The following SGCD variants were observed in gnomAD, a reference collection of about 807,000 sequenced individuals.
SGCD encodes the protein delta-sarcoglycan.
SGCD carries 18 observed loss-of-function variants against 36.6 expected under a neutral mutation model. The ratio of observed to expected loss-of-function variants is 0.49; its 90% CI spans 0.34 to 0.73. The LOEUF is 0.73. Ranked by LOEUF, SGCD falls within the 30% of genes least tolerant of loss-of-function variation. The probability of loss-of-function intolerance (pLI) is 0.01; values close to 1 mark genes in which losing one functional copy is unlikely to be tolerated. For missense variants in SGCD, 387 were observed against 346.7 expected, an observed-to-expected ratio of 1.12 and a Z score of -0.92; for synonymous variants, 133 against 130.6, an observed-to-expected ratio of 1.02 and a Z score of -0.12.
chr5:156,253,062 A>T (rs895293514), intron 3 of SGCD, among the ~76,000 whole-genome samples: 1 of 152,224 alleles, frequency 6.6e-6, no homozygotes, highest in African/African-American at 2.4e-5. Context: ...CAACTACTTT[A>T]ATTTTTAAAA....
At chr5:156,337,982 A>G (rs1016123943) in intron 2 of SGCD, among the ~76,000 whole-genome samples, 5 of 152,128 alleles carry the variant, frequency 3.3e-5, no homozygotes, top group Admixed American at 3.3e-4. Flanking sequence ...GGAACAAGAG[A>G]TTATGAAGAA....
chr5:155,914,879 A>T (rs1756705246), intron 1 of SGCD, among the ~76,000 whole-genome samples: 2 of 152,206 alleles, frequency 1.3e-5, no homozygotes, highest in South Asian at 4.1e-4. Flanking sequence ...AATTCTTGGC[A>T]AATTTTTAGT....
intron 4 of SGCD, among the ~76,000 whole-genome samples, chr5:156,550,216 T>A (rs929993910): frequency 2.0e-5 from 3 of 152,228 alleles, no homozygotes; most frequent in African/African-American, 7.2e-5. Context: ...GAATTGTAGA[T>A]AAGTTGTATT....
intron 3 of SGCD, among the ~76,000 whole-genome samples, chr5:156,196,817 T>C (rs1764034569): frequency 6.6e-6 from 1 of 152,202 alleles, no homozygotes; most frequent in African/African-American, 2.4e-5. Context: ...TCTTTGGAAA[T>C]AAAACCTGCC....
At chr5:156,595,653 A>C (rs73299139) in intron 6 of SGCD, among the ~76,000 whole-genome samples, 5,520 of 152,302 alleles carry the variant, frequency 0.036, 334 homozygotes, top group African/African-American at 0.13. Context: ...TCTCATTTAG[A>C]ACATCCTGTA....
At chr5:156,446,896 G>A (rs923811961) in intron 3 of SGCD, among the ~76,000 whole-genome samples, 1 of 152,092 alleles carries the variant, frequency 6.6e-6, no homozygotes, top group Non-Finnish European at 1.5e-5. Flanking sequence ...TTTTATAGTT[G>A]AGAAAACTGA....
intron 3 of SGCD, among the ~76,000 whole-genome samples, chr5:156,315,162 A>G (rs145799344): frequency 6.6e-6 from 1 of 151,676 alleles, no homozygotes; most frequent in Non-Finnish European, 1.5e-5. Flanking sequence ...ATACCTATTC[A>G]TTTTGTATGG....
At chr5:155,813,924 G>A in the SGCD span, among the ~76,000 whole-genome samples, 1 of 152,136 alleles carries the variant, frequency 6.6e-6, no homozygotes, top group African/African-American at 2.4e-5. Flanking sequence ...GAGAGATGAA[G>A]GGCAATTCAT....
chr5:156,458,474 A>G (rs972742327), intron 3 of SGCD: 7 of 1,609,636 alleles, frequency 4.3e-6, no homozygotes, highest in Middle Eastern at 1.6e-4. Flanking sequence ...GCTCATCCCC[A>G]ACACAGTCAG....
intron 1 of SGCD, among the ~76,000 whole-genome samples, chr5:155,996,040 G>A (rs935987359): frequency 1.3e-5 from 2 of 150,210 alleles, no homozygotes; most frequent in East Asian, 2.0e-4. Flanking sequence ...CTGTGTGTAG[G>A]TGGGGAATGG....
intron 2 of SGCD, among the ~76,000 whole-genome samples, chr5:156,341,420 A>G (rs1252498894): frequency 6.6e-6 from 1 of 152,082 alleles, no homozygotes; most frequent in Non-Finnish European, 1.5e-5. Context: ...AGTGAAAGCC[A>G]TTTTTTAGAT....
At position 156,415,574 on chromosome 5, in the gene SGCD, C is replaced by T. The variant is rs573606890; in HGVS notation, c.192+70897C>T. 4.1e-4 allele frequency among the ~76,000 whole-genome samples: 63 copies of T among 152,180 alleles called. No individual in the cohort carries two copies. In the South Asian group the frequency reaches 7.1e-3, roughly 17 times the overall value. On this transcript the variant is annotated intron_variant, in intron 3 of 8. Coordinates refer to ENST00000337851, the MANE Select transcript of SGCD (RefSeq NM_000337.6). ...TTCACATCCTTGACTGGTCTTGACA[C>T]GAAATGAGTGGCCATAATTCCGCAT...
intron 4 of SGCD, among the ~76,000 whole-genome samples, chr5:156,570,822 C>T (rs1759688564): frequency 6.6e-6 from 1 of 152,116 alleles, no homozygotes; most frequent in African/African-American, 2.4e-5. Flanking sequence ...CTGATAGGCC[C>T]CAGTGGGTGG....
chr5:156,002,861 C>T (rs1029720154), intron 1 of SGCD, among the ~76,000 whole-genome samples: 1 of 152,208 alleles, frequency 6.6e-6, no homozygotes, highest in African/African-American at 2.4e-5. Flanking sequence ...TTAGAACATG[C>T]AGCAAGAGGA....
the SGCD span, among the ~76,000 whole-genome samples, chr5:155,773,315 G>C: frequency 1.3e-5 from 2 of 152,140 alleles, no homozygotes; most frequent in African/African-American, 4.8e-5. Context: ...TAAACAGCAA[G>C]TGAGTAACCT....
intron 1 of SGCD, among the ~76,000 whole-genome samples, chr5:155,914,569 C>A (rs972673956): frequency 6.6e-6 from 1 of 152,134 alleles, no homozygotes; most frequent in African/African-American, 2.4e-5. Context: ...CAATAAAGAA[C>A]AATGAACATG....
intron 1 of SGCD, among the ~76,000 whole-genome samples, chr5:156,017,901 T>C (rs1040084459): frequency 6.6e-6 from 1 of 152,230 alleles, no homozygotes; most frequent in African/African-American, 2.4e-5. Flanking sequence ...GGCTCACTCC[T>C]GTAATCCCAG....
chr5:155,747,558 C>T, the SGCD span, among the ~76,000 whole-genome samples: 1 of 152,194 alleles, frequency 6.6e-6, no homozygotes, highest in African/African-American at 2.4e-5. Context: ...TTATTATTTC[C>T]ACTTTAAAGA....
chr5:156,519,580 G>A (rs894778252), intron 4 of SGCD, among the ~76,000 whole-genome samples: 5 of 151,974 alleles, frequency 3.3e-5, no homozygotes, highest in Non-Finnish European at 7.4e-5. Flanking sequence ...GAAAACTTCA[G>A]GCCAATATTC....
Sources: allele counts gnomAD v4.1 joint callset (sites outside exome capture counted in the v4.1 genomes callset), GRCh38; gene constraint gnomAD v4.1.1; transcripts MANE v1.5; gene names NCBI Gene and HGNC (gene_info 2026-07-23, HGNC 2026-07-21).